The following DTWD2 variants were observed in gnomAD, a reference collection of about 807,000 sequenced individuals.
DTWD2 encodes DTW motif tRNA-uridine aminocarboxypropyltransferase 2.
DTWD2 carries 39 observed loss-of-function variants against 31.8 expected under a neutral mutation model. The ratio of observed to expected loss-of-function variants is 1.22; its 90% confidence interval spans 0.95 to 1.60. The LOEUF (loss-of-function observed/expected upper bound fraction) is 1.60, where lower values mean the gene tolerates loss of function less well. Ranked by LOEUF, DTWD2 falls within the 40% of genes most tolerant of loss-of-function variation. The probability of loss-of-function intolerance (pLI) is 0.00; values close to 1 mark genes in which losing one functional copy is unlikely to be tolerated. For synonymous variants in DTWD2, 180 were observed against 142.8 expected (o/e 1.26, Z -1.86); for missense variants, 515 against 381.5 (o/e 1.35, Z -2.92).
chr5:118,988,044 C>T, intron 1 of DTWD2: 1 of 704,966 alleles, frequency 1.4e-6, no homozygotes, highest in Non-Finnish European at 2.6e-6. Context: ...GGAAACAGAA[C>T]TGATGTCTGC....
chr5:118,980,418 T>C (rs1479928930), intron 1 of DTWD2, among the ~76,000 whole-genome samples: 1 of 152,240 alleles, frequency 6.6e-6, no homozygotes, highest in African/African-American at 2.4e-5. Flanking sequence ...CCTTTGTCTT[T>C]GGCCCAGGAA....
chr5:118,980,082 T>C (rs1410096327), intron 1 of DTWD2, among the ~76,000 whole-genome samples: 1 of 152,204 alleles, frequency 6.6e-6, no homozygotes, highest in Non-Finnish European at 1.5e-5. Context: ...TCTCCATGGG[T>C]CTCTTACATT....
At chr5:118,918,938 T>A (rs559933188) in intron 4 of DTWD2, among the ~76,000 whole-genome samples, 2 of 152,142 alleles carry the variant, frequency 1.3e-5, no homozygotes, top group African/African-American at 4.8e-5. Context: ...CACTCATACA[T>A]CAAAAACGGA....
intron 4 of DTWD2, among the ~76,000 whole-genome samples, chr5:118,864,705 T>G (rs1194169896): frequency 6.6e-6 from 1 of 151,526 alleles, no homozygotes; most frequent in Non-Finnish European, 1.5e-5. Flanking sequence ...TGTGTGTACT[T>G]AAAATACTAG....
intron 1 of DTWD2, among the ~76,000 whole-genome samples, chr5:118,961,163 G>C (rs1754698297): frequency 6.6e-6 from 1 of 152,114 alleles, no homozygotes; most frequent in African/African-American, 2.4e-5. Context: ...CATGTCTAGA[G>C]AGATGAATAT....
At chr5:118,893,547 T>C (rs983705731) in intron 4 of DTWD2, among the ~76,000 whole-genome samples, 3 of 152,062 alleles carry the variant, frequency 2.0e-5, no homozygotes, top group Admixed American at 6.6e-5. Context: ...CTTCTGAGTA[T>C]ATATTTTTAT....
At chr5:118,845,050 G>C (rs1433097806) in intron 5 of DTWD2, among the ~76,000 whole-genome samples, 3 of 152,136 alleles carry the variant, frequency 2.0e-5, no homozygotes, top group African/African-American at 7.2e-5. Context: ...GGGAGGCTGA[G>C]GTGGGAGGAT....
chr5:118,851,047 G>C (rs553538442), intron 4 of DTWD2, among the ~76,000 whole-genome samples: 23 of 152,106 alleles, frequency 1.5e-4, no homozygotes, highest in African/African-American at 3.6e-4. Flanking sequence ...GGGAGTTCAA[G>C]ACCAGCCTGG....
At chr5:118,912,501 G>A (rs1393051954) in intron 4 of DTWD2, among the ~76,000 whole-genome samples, 2 of 152,160 alleles carry the variant, frequency 1.3e-5, no homozygotes, top group Non-Finnish European at 2.9e-5. Flanking sequence ...AACCACCCCG[G>A]TCTTCATTCA....
chr5:118,980,265 A>G (rs1174011443), intron 1 of DTWD2, among the ~76,000 whole-genome samples: 1 of 152,258 alleles, frequency 6.6e-6, no homozygotes, highest in Non-Finnish European at 1.5e-5. Context: ...AAGGTCCTTC[A>G]GCCAGGACGC....
At chr5:118,988,032 T>C in intron 1 of DTWD2, 1 of 697,402 alleles carries the variant, frequency 1.4e-6, no homozygotes, top group Non-Finnish European at 2.6e-6. Flanking sequence ...CTTAAGTTTC[T>C]TGGAAACAGA....
chr5:118,878,057 TG>T (rs2149552865), intron 4 of DTWD2, among the ~76,000 whole-genome samples: 1 of 151,842 alleles, frequency 6.6e-6, no homozygotes, highest in East Asian at 1.9e-4. Flanking sequence ...CACAAACAAA[TG>T]GAAAAACATT....
At chr5:118,964,979 C>T (rs1459307773) in intron 1 of DTWD2, among the ~76,000 whole-genome samples, 2 of 151,882 alleles carry the variant, frequency 1.3e-5, no homozygotes, top group East Asian at 1.9e-4. Context: ...GGCCGCCATC[C>T]CATCTACGAA....
chr5:118,965,307 G>T (rs1036107671), intron 1 of DTWD2, among the ~76,000 whole-genome samples: 2 of 150,172 alleles, frequency 1.3e-5, no homozygotes, highest in African/African-American at 4.9e-5. Context: ...TCCGGGAGGT[G>T]GGGGGCGTCT....
At chr5:118,902,681 C>A (rs891651938) in intron 4 of DTWD2, among the ~76,000 whole-genome samples, 2 of 151,906 alleles carry the variant, frequency 1.3e-5, no homozygotes, top group African/African-American at 4.8e-5. Flanking sequence ...AAAAAGTAAG[C>A]CTGTTACTCT....
intron 4 of DTWD2, among the ~76,000 whole-genome samples, chr5:118,882,204 C>T (rs1752757159): frequency 6.6e-6 from 1 of 152,206 alleles, no homozygotes; most frequent in African/African-American, 2.4e-5. Context: ...CCCAGCTGGG[C>T]AGTCATTAAA....
chr5:118,969,445 T>G (rs1227639640), intron 1 of DTWD2, among the ~76,000 whole-genome samples: 1 of 152,168 alleles, frequency 6.6e-6, no homozygotes, highest in Non-Finnish European at 1.5e-5. Context: ...CTGTTCAGTG[T>G]GCCCCTGGGA....
intron 4 of DTWD2, among the ~76,000 whole-genome samples, chr5:118,892,666 G>A (rs898150502): frequency 1.3e-5 from 2 of 152,008 alleles, no homozygotes; most frequent in African/African-American, 4.8e-5. Flanking sequence ...AAATTTGTGG[G>A]AAAGGCTGCT....
At chr5:118,860,064 G>GC in intron 4 of DTWD2, among the ~76,000 whole-genome samples, 1 of 151,998 alleles carries the variant, frequency 6.6e-6, no homozygotes, top group Non-Finnish European at 1.5e-5. Flanking sequence ...GCTGCAGTGA[G>GC]CCATGATCAT....
Sources: allele counts gnomAD v4.1 joint callset (sites outside exome capture counted in the v4.1 genomes callset), GRCh38; gene constraint gnomAD v4.1.1; transcripts MANE v1.5; gene names NCBI Gene and HGNC (gene_info 2026-07-23, HGNC 2026-07-21).